TESK2: variants seen among roughly 807,000 people sequenced by gnomAD.
TESK2 encodes dual specificity testis-specific protein kinase 2.
A neutral mutation model predicts 57.1 loss-of-function variants in TESK2; 39 were observed. That is an observed-to-expected ratio of 0.68 (90% CI 0.53 to 0.89). The LOEUF (loss-of-function observed/expected upper bound fraction) is 0.89, where lower values mean the gene tolerates loss of function less well. Among genes scored for constraint, TESK2 ranks in the 40% least tolerant of loss-of-function variants. TESK2 has a pLI of 0.00. For missense variants in TESK2, 646 were observed against 732.1 expected, an observed-to-expected ratio of 0.88 and a Z score of 1.36; for synonymous variants, 249 against 267.9, an observed-to-expected ratio of 0.93 and a Z score of 0.69.
chr1:45,355,354 G>A lies in TESK2; in HGVS notation c.489C>T (p.Gly163=), dbSNP rs1405835068. The A allele has an allele frequency of 6.2e-7, 1 of 1,613,902 alleles. No individual in the cohort carries two copies. Among genetic ancestry groups the A allele is most frequent in the Admixed American group, 1.7e-5 (1 of 59,986 alleles). ...RVKLAYDIAV[G]LSYLHFKGIF... The stretch of plus-strand genomic sequence containing the variant: ...TGCCTTTGAAGTGAAGGTAGCTGAG[G>A]CCCACTGCTATGTCATAGGCCAGTT... Residue 163 remains glycine, a synonymous_variant, in exon 5 of 11, where the codon GGC becomes GGT. Transcript: ENST00000372086.
chr1:45,384,486 C>T (rs1648796279), intron 4 of TESK2, among the ~76,000 whole-genome samples: 1 of 151,396 alleles, frequency 6.6e-6, no homozygotes, highest in Non-Finnish European at 1.5e-5. Context: ...GTGGCACAAT[C>T]ATGGCTCACT....
At chr1:45,417,367 G>A (rs1442026632) in intron 3 of TESK2, among the ~76,000 whole-genome samples, 1 of 151,958 alleles carries the variant, frequency 6.6e-6, no homozygotes, top group Non-Finnish European at 1.5e-5. Flanking sequence ...GAGTAGCTGG[G>A]GTTACAGGCA....
At chr1:45,395,058 T>C (rs1649304887) in intron 3 of TESK2, among the ~76,000 whole-genome samples, 1 of 152,198 alleles carries the variant, frequency 6.6e-6, no homozygotes, top group African/African-American at 2.4e-5. Flanking sequence ...GAGTCTTTTC[T>C]ATAGCATGAT....
rs540435103 is a variant in TESK2, at chr1:45,459,202, T to A, written c.-86-1331A>T. On this transcript the variant is annotated intron_variant, in intron 1 of 10. Transcript: ENST00000372086. ...GTCTCAATATGGCGGCTTTCTAAAATAGAAGCCATGTAAACTCAGAAGCTG... is the reference window on the plus strand; with the variant it reads ...GTCTCAATATGGCGGCTTTCTAAAAAAGAAGCCATGTAAACTCAGAAGCTG... Among the ~76,000 whole-genome samples, 833 of 152,282 alleles carry A rather than the reference T, an allele frequency of 5.5e-3. 4 individuals carry two copies. Among genetic ancestry groups the A allele is most frequent in the Non-Finnish European group, 8.2e-3 (556 of 68,024 alleles).
chr1:45,379,620 A>G (rs895013484), intron 4 of TESK2, among the ~76,000 whole-genome samples: 2 of 152,264 alleles, frequency 1.3e-5, no homozygotes, highest in Non-Finnish European at 2.9e-5. Context: ...AGAAATTTCC[A>G]AAGTCACTAA....
chr1:45,430,788 G>A (rs1290092152), intron 2 of TESK2, among the ~76,000 whole-genome samples: 1 of 152,132 alleles, frequency 6.6e-6, no homozygotes, highest in Non-Finnish European at 1.5e-5. Context: ...AAGCCCCCAA[G>A]AATATGGCTG....
chr1:45,354,812 AAAAATATATATATATATATATAT>A (rs1207563125), intron 5 of TESK2, among the ~76,000 whole-genome samples: 4 of 36,628 alleles, frequency 1.1e-4, no homozygotes, highest in African/African-American at 5.4e-4. Context: ...AAAAAAAAAA[AAAAATATATATATATATATATAT>A]ATATATATAT....
At position 45,347,555 on chromosome 1, in the gene TESK2, A is replaced by G. The variant is rs576624647; in HGVS notation, c.708+54T>C. The G allele has an allele frequency of 5.4e-4, 819 of 1,511,880 alleles. 4 individuals are homozygous for G. The highest frequency in any genetic ancestry group is 1.2e-3 in the Middle Eastern group (7 of 5,774). 93.7% of individuals were successfully genotyped at this position (1,511,880 alleles called of 1,614,324 possible). A position where few individuals can be genotyped will look rare whatever the true frequency, so the allele number is the denominator to read the frequency against. ...CTGAGCAACATAGTGAGACCATCTC[A>G]AAAAAAAGAAAAAGAAAAAAGGAGA... On this transcript the variant is annotated intron_variant, in intron 7 of 10. Transcript: ENST00000372086.
rs13375430 is a variant in TESK2, at chr1:45,419,459, A to G, written c.344+2266T>C. Among the ~76,000 whole-genome samples the G allele has an allele frequency of 3.6e-3, 546 of 152,254 alleles. 1 individual carries two copies. Among genetic ancestry groups the G allele is most frequent in the African/African-American group, 0.013 (524 of 41,552 alleles). On this transcript the variant is annotated intron_variant, in intron 3 of 10. Transcript: ENST00000372086. ...GACACTCTATTTTATATATATCTTG[A>G]TATCTTTCTGATGTCTGAATATATC...
intron 1 of TESK2, among the ~76,000 whole-genome samples, chr1:45,482,146 T>C (rs771020551): frequency 2.0e-5 from 3 of 152,210 alleles, no homozygotes; most frequent in South Asian, 2.1e-4. Flanking sequence ...AGTGCAATAC[T>C]GTAAACCCTG....
intron 3 of TESK2, among the ~76,000 whole-genome samples, chr1:45,403,004 C>T (rs1350065227): frequency 6.6e-6 from 1 of 151,622 alleles, no homozygotes; most frequent in Non-Finnish European, 1.5e-5. Flanking sequence ...AACAAAAAGG[C>T]CAGGTACAGC....
At chr1:45,465,414 AAGAGAGAGAG>A (rs35969225) in intron 1 of TESK2, among the ~76,000 whole-genome samples, 1 of 140,184 alleles carries the variant, frequency 7.1e-6, no homozygotes, top group Non-Finnish European at 1.5e-5. Flanking sequence ...CCAAAAAAGA[AAGAGAGAGAG>A]AGAGAGAGAG....
chr1:45,384,098 A>C (rs1648764315), intron 4 of TESK2, among the ~76,000 whole-genome samples: 1 of 152,190 alleles, frequency 6.6e-6, no homozygotes, highest in African/African-American at 2.4e-5. Flanking sequence ...TGTACTAAAT[A>C]AGTATTTTAT....
Position 45,427,305 on chromosome 1 carries a change from T to C in TESK2, c.223-5459A>G, listed in dbSNP as rs182654244. 2.6e-4 allele frequency among the ~76,000 whole-genome samples: 40 copies of C among 151,458 alleles called. No homozygotes were observed. The East Asian group carries it at 6.8e-3, about 26-fold the overall frequency. On this transcript the variant is annotated intron_variant, in intron 2 of 10. Transcript: ENST00000372086. ...AGAAAGGGGTAAGCCTCGTGCACTG[T>C]TGGTAGGAATGTAAATTGGTATAGC...
At chr1:45,402,885 C>G (rs1029240018) in intron 3 of TESK2, among the ~76,000 whole-genome samples, 1 of 151,988 alleles carries the variant, frequency 6.6e-6, no homozygotes, top group Non-Finnish European at 1.5e-5. Context: ...CTCCACTAAC[C>G]TTTAACACGT....
At chr1:45,476,146 CCTGA>C (rs546616499) in intron 1 of TESK2, among the ~76,000 whole-genome samples, 208 of 152,188 alleles carry the variant, frequency 1.4e-3, no homozygotes, top group African/African-American at 4.6e-3. Flanking sequence ...TCTAGAGAAC[CCTGA>C]CTAATACAGT....
At chr1:45,375,098 C>T (rs1353245937) in intron 4 of TESK2, among the ~76,000 whole-genome samples, 1 of 152,142 alleles carries the variant, frequency 6.6e-6, no homozygotes, top group Non-Finnish European at 1.5e-5. Flanking sequence ...TTCCTGCTTC[C>T]ACCCTTTCTC....
At chr1:45,351,711 A>G (rs1220271084) in intron 5 of TESK2, among the ~76,000 whole-genome samples, 1 of 152,198 alleles carries the variant, frequency 6.6e-6, no homozygotes, top group Non-Finnish European at 1.5e-5. Flanking sequence ...TTCCAAGGTC[A>G]CTGAAGTCGT....
chr1:45,357,806 G>T (rs1363573496), intron 4 of TESK2, among the ~76,000 whole-genome samples: 2 of 150,484 alleles, frequency 1.3e-5, no homozygotes, highest in Admixed American at 1.3e-4. Context: ...GGGAGTTCGA[G>T]ACCAGCCTGA....
Sources: gnomAD v4.1 joint callset for allele counts (sites outside exome capture counted in the v4.1 genomes callset) on GRCh38, gnomAD v4.1.1 for gene constraint, MANE v1.5 for transcripts, NCBI Gene and HGNC (gene_info 2026-07-23, HGNC 2026-07-21) for gene names.